VRK2: variants seen among roughly 807,000 people sequenced by gnomAD.
VRK2 encodes VRK serine/threonine kinase 2, also known as serine/threonine-protein kinase VRK2.
Under a neutral mutation model 57.6 loss-of-function variants are expected in VRK2, and 60 were observed. That is an observed-to-expected ratio of 1.04 (90% CI 0.85 to 1.29). The LOEUF (loss-of-function observed/expected upper bound fraction) is 1.29. Among genes scored for constraint, VRK2 ranks in the 50% most tolerant of loss-of-function variants. VRK2 has a pLI of 0.00. For synonymous variants in VRK2, 231 were observed against 199.2 expected, an observed-to-expected ratio of 1.16 and a Z score of -1.35; for missense variants, 705 against 588.1, an observed-to-expected ratio of 1.20 and a Z score of -2.06.
In VRK2 at chr2:58,143,588, T is replaced by C. The variant is rs537209978; in HGVS notation, c.1024-2728T>C. ...CCAGGAACTTTCACAGAGGAGTGAA[T>C]ATATTATACTGAATTTTGCTTATAC... On this transcript the variant is annotated intron_variant, in intron 11 of 12. Transcript: ENST00000340157. Among the ~76,000 whole-genome samples the C allele has an allele frequency of 5.9e-5, 9 of 151,898 alleles. 1 individual carries two copies. The South Asian group carries it at 1.9e-3, about 32-fold the overall frequency.
chr2:57,996,208 G>A (rs1473892395), intron 1 of VRK2, among the ~76,000 whole-genome samples: 1 of 152,202 alleles, frequency 6.6e-6, no homozygotes, highest in African/African-American at 2.4e-5. Context: ...GGATGGGGGT[G>A]TCCTGGAACC....
At position 58,063,454 on chromosome 2, in the gene VRK2, C is replaced by T. The variant is rs147199045; in HGVS notation, c.136+14487C>T. ...GGCACCCTGAATACCCTGACTTGGT[C>T]ACTATGGTTGTATGCATGTAACAGA... is the stretch of plus-strand genomic sequence containing the variant. On this transcript the variant is annotated intron_variant, in intron 2 of 12. Transcript: ENST00000340157. Among the ~76,000 whole-genome samples, 441 of 152,008 alleles carry T rather than the reference C, an allele frequency of 2.9e-3. 7 individuals carry two copies. The highest frequency in any genetic ancestry group is 3.6e-3 in the Non-Finnish European group (243 of 67,934).
At chr2:58,158,296 T>A (rs970429738) in intron 12 of VRK2, among the ~76,000 whole-genome samples, 2 of 152,202 alleles carry the variant, frequency 1.3e-5, no homozygotes, top group Non-Finnish European at 2.9e-5. Flanking sequence ...TAATGTGACT[T>A]CGTTAGCTCA....
intron 11 of VRK2, among the ~76,000 whole-genome samples, chr2:58,142,526 CTG>C (rs2104624633): frequency 6.6e-6 from 1 of 151,758 alleles, no homozygotes; most frequent in South Asian, 2.1e-4. Context: ...GGATGTAAAA[CTG>C]AAGTCACTTG....
At chr2:58,059,472 T>G (rs1677015663) in intron 2 of VRK2, among the ~76,000 whole-genome samples, 1 of 151,948 alleles carries the variant, frequency 6.6e-6, no homozygotes, top group Admixed American at 6.6e-5. Context: ...ATTTTTTCAT[T>G]GGATAATAAT....
rs1674271911 is a variant in VRK2, at chr2:58,036,317, A to G, written c.-6+2764A>G. ...AAAAAAGGAATATATATTCCTTTAA[A>G]CTATAAAGTATCTATATTCTATGTA... On this transcript the variant is annotated intron_variant, in intron 3 of 15. Transcript: ENST00000417641. Among the ~76,000 whole-genome samples the G allele has an allele frequency of 2.6e-5, 4 of 152,126 alleles. No individual in the cohort carries two copies. In the South Asian group the frequency reaches 8.3e-4, roughly 32 times the overall value.
intron 7 of VRK2, among the ~76,000 whole-genome samples, chr2:58,103,201 C>G (rs554489774): frequency 1.3e-5 from 2 of 151,244 alleles, no homozygotes; most frequent in East Asian, 1.9e-4. Flanking sequence ...ATACCCATAG[C>G]TAGCAGAAGA....
At chr2:58,091,980 G>C (rs908505207) in intron 7 of VRK2, among the ~76,000 whole-genome samples, 2 of 152,184 alleles carry the variant, frequency 1.3e-5, no homozygotes, top group Admixed American at 1.3e-4. Context: ...AAGAAAGTTA[G>C]TGGAAGGGAA....
intron 1 of VRK2, among the ~76,000 whole-genome samples, chr2:57,929,494 G>C (rs1051046223): frequency 4.6e-5 from 7 of 152,144 alleles, no homozygotes; most frequent in African/African-American, 1.7e-4. Flanking sequence ...TGGAAATGCT[G>C]TCCAAGAACC....
At chr2:58,008,860 G>A (rs867864640) in intron 1 of VRK2, among the ~76,000 whole-genome samples, 1 of 152,044 alleles carries the variant, frequency 6.6e-6, no homozygotes, top group South Asian at 2.1e-4. Context: ...TGTTCTAGAG[G>A]CTGAGAAGTC....
chr2:58,137,125 G>GATACATGTATCATATATGATACA (rs1680343768), intron 10 of VRK2, among the ~76,000 whole-genome samples: 4 of 19,264 alleles, frequency 2.1e-4, no homozygotes, highest in South Asian at 2.4e-3. Flanking sequence ...TCATATATGT[G>GATACATGTATCATATATGATACA]TATATATCAT....
chr2:57,978,783 C>A (rs1193713215), intron 1 of VRK2, among the ~76,000 whole-genome samples: 1 of 150,286 alleles, frequency 6.7e-6, no homozygotes, highest in Non-Finnish European at 1.5e-5. Context: ...ATTGACCTGT[C>A]CTCTAAGTTC....
chr2:58,102,438 A>C (rs1045924403), intron 7 of VRK2, among the ~76,000 whole-genome samples: 4 of 151,150 alleles, frequency 2.6e-5, no homozygotes, highest in Non-Finnish European at 5.9e-5. Flanking sequence ...ACCAAAAGCA[A>C]GCAGGAGTAG....
intron 1 of VRK2, among the ~76,000 whole-genome samples, chr2:57,933,359 C>T (rs1355311059): frequency 7.9e-6 from 1 of 125,812 alleles, no homozygotes; most frequent in Non-Finnish European, 1.6e-5. Flanking sequence ...TGTTGCCAGG[C>T]TGGAGTGCAG....
At chr2:58,033,863 T>G (rs1379592965) in intron 3 of VRK2, among the ~76,000 whole-genome samples, 1 of 152,088 alleles carries the variant, frequency 6.6e-6, no homozygotes, top group African/African-American at 2.4e-5. Context: ...TTTCCCTGTC[T>G]TGTTTTATGG....
At chr2:57,958,450 T>TATATACAA (rs1671654355) in intron 1 of VRK2, among the ~76,000 whole-genome samples, 1 of 143,572 alleles carries the variant, frequency 7.0e-6, no homozygotes, top group African/African-American at 2.9e-5. Context: ...TATATATTTG[T>TATATACAA]ATATATATAC....
chr2:58,145,869 G>A (rs1179348870), intron 11 of VRK2, among the ~76,000 whole-genome samples: 5 of 152,034 alleles, frequency 3.3e-5, no homozygotes, highest in Middle Eastern at 3.4e-3. Context: ...GAGAACATGC[G>A]GTGTTTGGTT....
chr2:58,023,020 T>C (rs906689472), intron 1 of VRK2, among the ~76,000 whole-genome samples: 1 of 152,224 alleles, frequency 6.6e-6, no homozygotes, highest in African/African-American at 2.4e-5. Flanking sequence ...CAAAAGAGTA[T>C]AGTTTTGTGG....
chr2:58,012,377 T>C (rs1673440505), intron 1 of VRK2, among the ~76,000 whole-genome samples: 1 of 152,208 alleles, frequency 6.6e-6, no homozygotes, highest in Admixed American at 6.5e-5. Flanking sequence ...GGGGTCTGGA[T>C]TGGGACCCCT....
Sources: gnomAD v4.1 joint callset for allele counts (sites outside exome capture counted in the v4.1 genomes callset) on GRCh38, gnomAD v4.1.1 for gene constraint, MANE v1.5 for transcripts, NCBI Gene and HGNC (gene_info 2026-07-23, HGNC 2026-07-21) for gene names.